STAU2: variants seen among roughly 807,000 people sequenced by gnomAD.
The protein encoded by STAU2 is staufen double-stranded RNA binding protein 2, also known as double-stranded RNA-binding protein Staufen homolog 2.
In STAU2, 20 loss-of-function variants were observed where a neutral mutation model predicts 65.9. The observed-to-expected ratio is 0.30, with a 90% CI of 0.21 to 0.44. The LOEUF (loss-of-function observed/expected upper bound fraction) is 0.44. Among genes scored for constraint, STAU2 ranks in the 20% least tolerant of loss-of-function variants. The pLI, the probability that STAU2 is intolerant of heterozygous loss-of-function variation, is 1.00. For synonymous variants in STAU2, 232 were observed against 233.9 expected (o/e 0.99, Z 0.07); for missense variants, 558 against 683.9 (o/e 0.82, Z 2.05).
chr8:73,569,345 G>T (rs1808863385), intron 12 of STAU2, among the ~76,000 whole-genome samples: 1 of 152,276 alleles, frequency 6.6e-6, no homozygotes, highest in South Asian at 2.1e-4. Flanking sequence ...CACAGCTCAA[G>T]GAGGCCTGCC....
At chr8:73,508,150 C>G (rs1822174659) in intron 13 of STAU2, among the ~76,000 whole-genome samples, 1 of 152,162 alleles carries the variant, frequency 6.6e-6, no homozygotes, top group East Asian at 1.9e-4. Context: ...TTCTTCTGTA[C>G]CCACAACTTG....
At chr8:73,453,351 C>A (rs1818899408) in intron 13 of STAU2, among the ~76,000 whole-genome samples, 1 of 152,212 alleles carries the variant, frequency 6.6e-6, no homozygotes. Flanking sequence ...TATTCATGAA[C>A]TGGCAATTAT....
chr8:73,441,833 T>C (rs1818167092), intron 13 of STAU2, among the ~76,000 whole-genome samples: 1 of 152,252 alleles, frequency 6.6e-6, no homozygotes. Flanking sequence ...AAGTATTATG[T>C]GTCTCTAATG....
chr8:73,607,371 C>T (rs1812096200), intron 9 of STAU2, among the ~76,000 whole-genome samples: 1 of 152,100 alleles, frequency 6.6e-6, no homozygotes, highest in South Asian at 2.1e-4. Context: ...CTCACACTTA[C>T]TTAGTATGCT....
chr8:73,747,471 C>T, upstream of STAU2: 1 of 1,534,424 alleles, frequency 6.5e-7, no homozygotes, highest in Non-Finnish European at 8.7e-7. Flanking sequence ...CGCTGTGCAA[C>T]GCACGGTTTA....
At chr8:73,521,744 A>G (rs1585924261) in intron 13 of STAU2, among the ~76,000 whole-genome samples, 1 of 152,326 alleles carries the variant, frequency 6.6e-6, no homozygotes, top group Non-Finnish European at 1.5e-5. Flanking sequence ...CTAATGAGGT[A>G]GGCTAAGCTA....
chr8:73,677,463 A>G (rs1435599428), intron 5 of STAU2, among the ~76,000 whole-genome samples: 2 of 152,200 alleles, frequency 1.3e-5, no homozygotes, highest in African/African-American at 4.8e-5. Context: ...ACAATGAATA[A>G]TATGTAAATT....
At chr8:73,679,851 T>G (rs759465074) in intron 5 of STAU2, among the ~76,000 whole-genome samples, 3 of 150,396 alleles carry the variant, frequency 2.0e-5, no homozygotes, top group African/African-American at 4.9e-5. Flanking sequence ...TCAACGCCAC[T>G]GCACTCCAAC....
At chr8:73,616,222 G>A (rs1014513127) in intron 7 of STAU2, among the ~76,000 whole-genome samples, 5 of 152,154 alleles carry the variant, frequency 3.3e-5, no homozygotes, top group Admixed American at 2.0e-4. Flanking sequence ...GTCTGGCACA[G>A]GCATTGGTTT....
chr8:73,612,182 A>C (rs1034777126), intron 9 of STAU2, among the ~76,000 whole-genome samples: 2 of 152,246 alleles, frequency 1.3e-5, no homozygotes, highest in African/African-American at 4.8e-5. Context: ...TAAAATGTGA[A>C]TAGGTAGTAT....
intron 13 of STAU2, among the ~76,000 whole-genome samples, chr8:73,466,208 T>C (rs1329430964): frequency 6.6e-6 from 1 of 152,246 alleles, no homozygotes; most frequent in Non-Finnish European, 1.5e-5. Context: ...CAAAATACCA[T>C]GGTTCAATCT....
At chr8:73,639,960 T>A (rs1022382064) in intron 6 of STAU2, among the ~76,000 whole-genome samples, 6 of 152,148 alleles carry the variant, frequency 3.9e-5, no homozygotes, top group African/African-American at 1.4e-4. Context: ...ACTCCAGTTG[T>A]GTTAGGAACA....
intron 4 of STAU2, among the ~76,000 whole-genome samples, chr8:73,694,050 T>C (rs1371083117): frequency 6.6e-6 from 1 of 152,220 alleles, no homozygotes; most frequent in African/African-American, 2.4e-5. Flanking sequence ...TTAGAATGGC[T>C]ATATTAATAT....
chr8:73,494,236 T>C (rs1250005819), intron 13 of STAU2, among the ~76,000 whole-genome samples: 2 of 151,728 alleles, frequency 1.3e-5, no homozygotes, highest in African/African-American at 4.8e-5. Flanking sequence ...GGAGGGAGTA[T>C]ACAGATGTCT....
rs142043134 is a variant in STAU2 at position 73,646,938 on chromosome 8, G to GACACACACACACACAC, written c.410+26153_410+26168dup. ...ATATTTCACCAAAGACACACAGCCA[G>GACACACACACACACAC]ACACACACACACACACACACACACA... is the stretch of plus-strand genomic sequence containing the variant. On this transcript the variant is annotated intron_variant, in intron 6 of 14. Coordinates refer to ENST00000524300, the MANE Select transcript of STAU2 (RefSeq NM_001164380.2). Among the ~76,000 whole-genome samples the GACACACACACACACAC allele has an allele frequency of 1.6e-3, 227 of 144,054 alleles. 3 individuals are homozygous for GACACACACACACACAC. In the East Asian group the frequency reaches 0.016, roughly 10 times the overall value. The allele number at this position is 144,054 out of a possible 152,430, so 94.5% of individuals were successfully genotyped here.
intron 8 of STAU2, 116 bp from the exon 9 acceptor site, chr8:73,614,072 T>A: frequency 1.4e-6 from 1 of 711,908 alleles, no homozygotes; most frequent in Non-Finnish European, 2.2e-6. Context: ...ATTATAGTAT[T>A]TCTTTAAGAA....
intron 13 of STAU2, among the ~76,000 whole-genome samples, chr8:73,470,797 C>T (rs1444699932): frequency 6.9e-6 from 1 of 145,086 alleles, no homozygotes; most frequent in African/African-American, 2.6e-5. Flanking sequence ...GAGTGAGATC[C>T]TGCCTCTAAA....
chr8:73,478,903 T>A (rs1820459796), intron 13 of STAU2, among the ~76,000 whole-genome samples: 1 of 152,160 alleles, frequency 6.6e-6, no homozygotes, highest in Non-Finnish European at 1.5e-5. Context: ...TGGCTATATT[T>A]TAAATTATTA....
At chr8:73,556,146 A>G (rs1237072303) in intron 12 of STAU2, among the ~76,000 whole-genome samples, 4 of 152,224 alleles carry the variant, frequency 2.6e-5, no homozygotes, top group Non-Finnish European at 5.9e-5. Flanking sequence ...ATAAAACAAT[A>G]TATTTCTACA....
Sources: gnomAD v4.1 joint callset for allele counts (sites outside exome capture counted in the v4.1 genomes callset) on GRCh38, gnomAD v4.1.1 for gene constraint, MANE v1.5 for transcripts, NCBI Gene and HGNC (gene_info 2026-07-23, HGNC 2026-07-21) for gene names.